Variants in SAMD3 observed in about 807,000 individuals in gnomAD.
SAMD3 encodes sterile alpha motif domain containing 3, also known as sterile alpha motif domain-containing protein 3.
In SAMD3, 63 loss-of-function variants were observed where a neutral mutation model predicts 58.5. The observed-to-expected ratio is 1.08, with a 90% CI of 0.88 to 1.33. The LOEUF is 1.33. Among genes scored for constraint, SAMD3 ranks in the 40% most tolerant of loss-of-function variants. The pLI, the probability that SAMD3 is intolerant of heterozygous loss-of-function variation, is 0.00. For missense variants in SAMD3, 604 were observed against 608.4 expected (o/e 0.99, Z 0.08); for synonymous variants, 220 against 210.3 (o/e 1.05, Z -0.40).
intron 2 of SAMD3, among the ~76,000 whole-genome samples, chr6:130,233,531 C>A (rs148807132): frequency 4.9e-4 from 74 of 152,234 alleles, no homozygotes; most frequent in African/African-American, 1.8e-3. Context: ...TCAAGGATCC[C>A]GAGCTGAACA....
intron 1 of SAMD3, chr6:130,221,838 A>C (rs1796238124): frequency 6.6e-6 from 1 of 152,178 alleles, no homozygotes; most frequent in South Asian, 2.1e-4. Context: ...CCAACTAAAA[A>C]ATTAATACAC....
At chr6:130,295,350 G>A (rs968483449) in intron 2 of SAMD3, among the ~76,000 whole-genome samples, 2 of 152,140 alleles carry the variant, frequency 1.3e-5, no homozygotes, top group African/African-American at 4.8e-5. Flanking sequence ...CAGAGGTAGG[G>A]CATGCCTCAG....
At chr6:130,348,135 A>G (rs1358715351) in intron 1 of SAMD3, among the ~76,000 whole-genome samples, 4 of 152,226 alleles carry the variant, frequency 2.6e-5, no homozygotes, top group African/African-American at 9.7e-5. Flanking sequence ...GCCAAATTGT[A>G]AAGAACATCG....
At chr6:130,336,929 G>A (rs1341321408) in intron 1 of SAMD3, among the ~76,000 whole-genome samples, 5 of 152,188 alleles carry the variant, frequency 3.3e-5, no homozygotes, top group African/African-American at 1.2e-4. Flanking sequence ...CTGAATATAA[G>A]TTACAATCAA....
upstream of SAMD3, among the ~76,000 whole-genome samples, chr6:130,226,446 C>A (rs11968925): frequency 0.16 from 24,141 of 152,196 alleles, 2,157 homozygotes; most frequent in East Asian, 0.36. Context: ...ATGTACAGAG[C>A]CCTATAGGTC....
intron 1 of SAMD3, among the ~76,000 whole-genome samples, chr6:130,323,283 T>C (rs1400788961): frequency 1.3e-5 from 2 of 152,142 alleles, no homozygotes; most frequent in East Asian, 3.9e-4. Context: ...GATCCCTACT[T>C]CCTCTTTACC....
At chr6:130,325,393 G>C (rs182098506) in intron 1 of SAMD3, among the ~76,000 whole-genome samples, 111 of 152,274 alleles carry the variant, frequency 7.3e-4, no homozygotes, top group Admixed American at 2.7e-3. Flanking sequence ...CCAAGGGCAG[G>C]AGATGGTGGT....
At chr6:130,224,766 G>A (rs1440218691), upstream of SAMD3, among the ~76,000 whole-genome samples, 1 of 151,762 alleles carries the variant, frequency 6.6e-6, no homozygotes, top group Non-Finnish European at 1.5e-5. Context: ...CTACAGGCAC[G>A]TGCCACCACG....
chr6:130,223,726 A>G (rs1027237796), upstream of SAMD3, among the ~76,000 whole-genome samples: 3 of 152,182 alleles, frequency 2.0e-5, no homozygotes, highest in African/African-American at 4.8e-5. Context: ...CTGCAGCTCA[A>G]ACCCCTAGAG....
chr6:130,270,436 A>G (rs1012209239), intron 2 of SAMD3, among the ~76,000 whole-genome samples: 1 of 152,192 alleles, frequency 6.6e-6, no homozygotes, highest in Non-Finnish European at 1.5e-5. Flanking sequence ...TCAAACATGT[A>G]GGTTAGCTCC....
At chr6:130,288,742 G>A (rs866034115) in intron 2 of SAMD3, among the ~76,000 whole-genome samples, 2 of 152,180 alleles carry the variant, frequency 1.3e-5, no homozygotes, top group African/African-American at 4.8e-5. Context: ...GATAGTGATA[G>A]GTTTGCAAAA....
At position 130,214,429 on chromosome 6, in the gene SAMD3, T is replaced by C. The variant is rs1158803896; in HGVS notation, c.177A>G (p.Leu59=). The C allele has an allele frequency of 1.2e-6, 2 of 1,613,274 alleles. No homozygotes were observed. The highest frequency in any genetic ancestry group is 1.7e-5 in the Admixed American group (1 of 59,920). The change falls in exon 4 of 12, where the codon TTA becomes TTG. Residue 59 remains leucine, a synonymous_variant. Transcript: ENST00000439090. ...KIGHQAVLMD[L]IKKYKQNTQG... is the part of the protein sequence containing the mutation. ...GAGTGTTCTGCTTGTATTTTTTAATTAAATCCATCAGAACAGCCTGGTGCC... is the reference window on the plus strand; with the variant it reads ...GAGTGTTCTGCTTGTATTTTTTAATCAAATCCATCAGAACAGCCTGGTGCC...
At chr6:130,221,007 C>T (rs1239861106) in intron 1 of SAMD3, among the ~76,000 whole-genome samples, 1 of 152,142 alleles carries the variant, frequency 6.6e-6, no homozygotes, top group Non-Finnish European at 1.5e-5. Context: ...GTGCCCACCA[C>T]CACGCCCAGC....
chr6:130,301,295 G>T (rs1775738599), intron 2 of SAMD3, among the ~76,000 whole-genome samples: 1 of 152,026 alleles, frequency 6.6e-6, no homozygotes, highest in South Asian at 2.1e-4. Context: ...GGATGTTCAA[G>T]CTGAAAACCA....
rs769536737 is a variant in SAMD3, at chr6:130,222,798, G to A, written c.-172C>T. 6.6e-6 allele frequency: 1 copy of A among 152,148 alleles called. No individual in the cohort carries two copies. The highest frequency in any genetic ancestry group is 1.5e-5 in the Non-Finnish European group (1 of 68,028). The allele number at this position is 152,148 out of a possible 1,614,324, so 9.4% of individuals were successfully genotyped here. On this transcript the variant is annotated 5_prime_UTR_variant, in exon 1 of 12. Transcript: ENST00000439090. ...AAATCCGATCAGTGGATGTGGTTCT[G>A]GTTCCTTTGTTTTATCTGAAAAATG...
downstream of SAMD3, chr6:130,143,332 G>C (rs888981236): frequency 1.3e-5 from 2 of 152,320 alleles, no homozygotes; most frequent in South Asian, 2.1e-4. Flanking sequence ...TGCAACCTCC[G>C]CCTCCCAGGT....
chr6:130,339,856 T>C (rs1452045967), intron 1 of SAMD3, among the ~76,000 whole-genome samples: 3 of 150,840 alleles, frequency 2.0e-5, no homozygotes, highest in East Asian at 3.9e-4. Flanking sequence ...ATATAAGTCC[T>C]GATTCAATGA....
chr6:130,292,267 C>CT (rs1554271698), intron 2 of SAMD3, among the ~76,000 whole-genome samples: 3,555 of 83,682 alleles, frequency 0.042, 279 homozygotes, highest in African/African-American at 0.13. Flanking sequence ...TTTTTTCTTT[C>CT]TTTCTTTTTT....
intron 1 of SAMD3, among the ~76,000 whole-genome samples, chr6:130,344,400 G>A (rs1438115484): frequency 6.6e-6 from 1 of 151,612 alleles, no homozygotes; most frequent in East Asian, 1.9e-4. Flanking sequence ...TTTTTTACGG[G>A]GGACAGAGTC....
Sources: gnomAD v4.1 joint callset for allele counts (sites outside exome capture counted in the v4.1 genomes callset) on GRCh38, gnomAD v4.1.1 for gene constraint, MANE v1.5 for transcripts, NCBI Gene and HGNC (gene_info 2026-07-23, HGNC 2026-07-21) for gene names.